Variants in DNAAF9 observed in about 807,000 individuals in gnomAD.
DNAAF9 encodes the protein dynein axonemal assembly factor 9.
Under a neutral mutation model 167.0 loss-of-function variants are expected in DNAAF9, and 90 were observed. The ratio of observed to expected loss-of-function variants is 0.54; its 90% CI spans 0.45 to 0.64. The LOEUF (loss-of-function observed/expected upper bound fraction) is 0.64. Among genes scored for constraint, DNAAF9 ranks in the 30% least tolerant of loss-of-function variants. DNAAF9 has a pLI of 0.00. For missense variants in DNAAF9, 1,315 were observed against 1,442.2 expected (o/e 0.91, Z 1.43); for synonymous variants, 491 against 508.8 (o/e 0.96, Z 0.47).
rs1228349035 is a variant in DNAAF9, at chr20:3,251,499, T to C, written c.*1073A>G. Reference sequence around the variant, plus strand: ...ATGGGACACACTTGTAATTCCCCTCTGCTTTATGGTCCAGCTTAAAACGAT... The same window carrying C: ...ATGGGACACACTTGTAATTCCCCTCCGCTTTATGGTCCAGCTTAAAACGAT... On this transcript the variant is annotated 3_prime_UTR_variant, in exon 37 of 37. Coordinates refer to ENST00000252032, the MANE Select transcript of DNAAF9 (RefSeq NM_001009984.3). 2.0e-5 allele frequency: 3 copies of C among 152,256 alleles called. No individual in the cohort carries two copies. The highest frequency in any genetic ancestry group is 4.8e-5 in the African/African-American group (2 of 41,462). The allele number at this position is 152,256 out of a possible 1,614,324, so 9.4% of individuals were successfully genotyped here. A position where few individuals can be genotyped will look rare whatever the true frequency, so the allele number is the denominator to read the frequency against.
chr20:3,337,017 C>T (rs2069969800), intron 10 of DNAAF9, among the ~76,000 whole-genome samples: 1 of 149,144 alleles, frequency 6.7e-6, no homozygotes, highest in Admixed American at 6.7e-5. Context: ...GTAGCTGGGA[C>T]TACAGGAGCC....
In DNAAF9 at chr20:3,251,793, G is replaced by T. The variant is rs74560547; in HGVS notation, c.*779C>A. On this transcript the variant is annotated 3_prime_UTR_variant, in exon 37 of 37. Coordinates refer to ENST00000252032, the MANE Select transcript of DNAAF9 (RefSeq NM_001009984.3). ...ACAGTGAGGTGAAGCCTCGCCAGGG[G>T]GCCTGAGCAGCAGGCTTGCTCTTGT... The T allele has an allele frequency of 6.6e-6, 1 of 152,316 alleles. No individual in the cohort carries two copies. The highest frequency in any genetic ancestry group is 1.9e-4 in the East Asian group (1 of 5,196). The allele number at this position is 152,316 out of a possible 1,614,324, so 9.4% of individuals were successfully genotyped here.
At chr20:3,397,405 G>A (rs889760287) in intron 1 of DNAAF9, among the ~76,000 whole-genome samples, 4 of 152,044 alleles carry the variant, frequency 2.6e-5, no homozygotes, top group East Asian at 1.9e-4. Flanking sequence ...TGCAGGCTCC[G>A]CCTCCTGGGT....
chr20:3,387,049 G>T (rs2083751362), intron 1 of DNAAF9, among the ~76,000 whole-genome samples: 1 of 152,160 alleles, frequency 6.6e-6, no homozygotes, highest in African/African-American at 2.4e-5. Context: ...CTCTGTTCAT[G>T]CATTGGTAGA....
At position 3,294,167 on chromosome 20, in the gene DNAAF9, T is replaced by A; in HGVS notation, c.2210A>T (p.Asn737Ile). 6.2e-7 allele frequency: 1 copy of A among 1,606,488 alleles called. No individual in the cohort carries two copies. Among genetic ancestry groups the A allele is most frequent in the Non-Finnish European group, 8.5e-7 (1 of 1,173,052 alleles). The change falls in exon 25 of 37, where the codon AAC (asparagine) becomes ATC (isoleucine). Residue 737 changes from asparagine (N) to isoleucine (I), a missense_variant. Transcript: ENST00000252032. ...LPVLLQQAEI[N>I]TTHRIESDKV... ...GTCACTTTCTATTCTGTGAGTAGTG[T>A]TGATTTCAGCTTGCTGCAGCAGCAC... is the stretch of plus-strand genomic sequence containing the variant.
chr20:3,270,695 C>T, intron 29 of DNAAF9, 133 bp from the exon 30 acceptor site: 2 of 678,988 alleles, frequency 2.9e-6, no homozygotes, highest in Admixed American at 2.9e-5. Context: ...ACCCTTACAC[C>T]CCAATACCAA....
At position 3,257,581 on chromosome 20, in the gene DNAAF9, T is replaced by A. The variant is rs775809051; in HGVS notation, c.3056-1370A>T. ...TTTATTGAGACGGAGTTTCACTCTG[T>A]CGCCCAGGCTGGAGTGCAGTGGCAC... On this transcript the variant is annotated intron_variant, in intron 33 of 36. Transcript: ENST00000252032. Among the ~76,000 whole-genome samples, 376 of 151,704 alleles carry A rather than the reference T, an allele frequency of 2.5e-3. 2 individuals are homozygous for A. Among genetic ancestry groups the A allele is most frequent in the Non-Finnish European group, 2.7e-3 (185 of 67,886 alleles).
At chr20:3,393,290 G>T (rs2083851892) in intron 1 of DNAAF9, among the ~76,000 whole-genome samples, 1 of 152,016 alleles carries the variant, frequency 6.6e-6, no homozygotes, top group African/African-American at 2.4e-5. Context: ...TGATTCTCCT[G>T]CCTCTTGAGT....
At chr20:3,308,341 C>CT (rs35610785) in intron 20 of DNAAF9, among the ~76,000 whole-genome samples, 32,925 of 105,368 alleles carry the variant, frequency 0.31, 5,472 homozygotes, top group South Asian at 0.54. Context: ...CAAAACTTTA[C>CT]TTTTTTTTTT....
chr20:3,386,098 G>A (rs1048391901), intron 1 of DNAAF9, among the ~76,000 whole-genome samples: 2 of 152,164 alleles, frequency 1.3e-5, no homozygotes, highest in African/African-American at 4.8e-5. Context: ...GCCAGCCTGG[G>A]CAATATAGTG....
intron 35 of DNAAF9, 64 bp downstream of exon 35, chr20:3,255,155 A>C: frequency 1.0e-6 from 1 of 979,878 alleles, no homozygotes; most frequent in Non-Finnish European, 1.6e-6. Flanking sequence ...TCCAAAATAC[A>C]GAGCTAGGCA....
intron 29 of DNAAF9, among the ~76,000 whole-genome samples, chr20:3,275,259 G>A (rs2236087): frequency 0.17 from 25,291 of 152,202 alleles, 2,280 homozygotes; most frequent in Non-Finnish European, 0.19. Flanking sequence ...GAAGAGCTCT[G>A]GCGGGTCTGG....
chr20:3,296,648 T>G (rs2069085207), intron 23 of DNAAF9: 1 of 531,822 alleles, frequency 1.9e-6, no homozygotes, highest in African/African-American at 1.9e-5. Flanking sequence ...CCCAAAGTGT[T>G]GGGATTACAA....
rs189955816 is a variant in DNAAF9, at chr20:3,350,642, A to C, written c.691-2019T>G. On this transcript the variant is annotated intron_variant, in intron 7 of 36. Coordinates refer to ENST00000252032, the MANE Select transcript of DNAAF9 (RefSeq NM_001009984.3). ...GAAACCAGAACATTTTAGAGAACTG[A>C]CTGAGAGTGGGTCTCAGACAGGAAA... Among the ~76,000 whole-genome samples, 8 of 152,302 alleles carry C rather than the reference A, an allele frequency of 5.3e-5. No homozygotes were observed. In the East Asian group the frequency reaches 1.4e-3, roughly 26 times the overall value.
intron 7 of DNAAF9, among the ~76,000 whole-genome samples, chr20:3,354,024 T>C (rs1016017829): frequency 6.6e-6 from 1 of 152,186 alleles, no homozygotes; most frequent in African/African-American, 2.4e-5. Context: ...TCACCAGCAT[T>C]CTATATGAAA....
intron 8 of DNAAF9, among the ~76,000 whole-genome samples, chr20:3,347,084 A>T (rs2070206822): frequency 6.6e-6 from 1 of 152,118 alleles, no homozygotes; most frequent in South Asian, 2.1e-4. Flanking sequence ...AACTACTCAA[A>T]ATCAGTAATA....
At chr20:3,353,484 C>T (rs2070365855) in intron 7 of DNAAF9, among the ~76,000 whole-genome samples, 1 of 151,938 alleles carries the variant, frequency 6.6e-6, no homozygotes, top group South Asian at 2.1e-4. Flanking sequence ...AAAAATTAGC[C>T]AGGTGTGGTG....
In DNAAF9 at chr20:3,294,228, T is replaced by G. The variant is rs758056415; in HGVS notation, c.2149A>C (p.Ile717Leu). The G allele has an allele frequency of 1.9e-6, 3 of 1,612,708 alleles. No homozygotes were observed. The African/African-American group carries it at 4.0e-5, about 22-fold the overall frequency. The change falls in exon 25 of 37, where the codon ATT (isoleucine) becomes CTT (leucine). Residue 717 changes from isoleucine to leucine, a missense_variant. Around this residue, in one of 2 missense-constraint regions of DNAAF9, gnomAD observed 981 missense variants for 1,012.5 expected, o/e 0.97. Transcript: ENST00000252032. ...WFLQHFAISS[I>L]SQEPVMRTHL... is the part of the protein sequence containing the mutation. ...GTCCGCATCACAGGCTCCTGGCTAA[T>G]GCTGCTGATGGCGAAATGCTGGAGA...
In DNAAF9 at chr20:3,389,455, T is replaced by A. The variant is rs548606336; in HGVS notation, c.84-6949A>T. Among the ~76,000 whole-genome samples, 14 of 152,070 alleles carry A rather than the reference T, an allele frequency of 9.2e-5. No homozygotes were observed. The South Asian group carries it at 2.5e-3, about 27-fold the overall frequency. On this transcript the variant is annotated intron_variant, in intron 1 of 36. Coordinates refer to ENST00000252032, the MANE Select transcript of DNAAF9 (RefSeq NM_001009984.3). Reference sequence around the variant, plus strand: ...GTGAGTCACTGCACCTGGCCAATTTTAAAAATTTTTTTAGAAGTTAAAAAT... The same window carrying A: ...GTGAGTCACTGCACCTGGCCAATTTAAAAAATTTTTTTAGAAGTTAAAAAT...
Sources: allele counts gnomAD v4.1 joint callset (sites outside exome capture counted in the v4.1 genomes callset), GRCh38; gene constraint gnomAD v4.1.1; regional missense constraint gnomAD v4.1.1; transcripts MANE v1.5; gene names NCBI Gene and HGNC (gene_info 2026-07-23, HGNC 2026-07-21).